Variants in PCDHGA4 observed in about 807,000 individuals in gnomAD.
PCDHGA4 encodes the protein protocadherin gamma-A4.
In PCDHGA4, 38 loss-of-function variants were observed where a neutral mutation model predicts 54.6. That is an observed-to-expected ratio of 0.70 (90% CI 0.54 to 0.91). PCDHGA4 has a LOEUF of 0.91. PCDHGA4 is among the 40% of genes least tolerant of loss of function. The pLI, the probability that PCDHGA4 is intolerant of heterozygous loss-of-function variation, is 0.00. For missense variants in PCDHGA4, 1,298 were observed against 1,220.9 expected, an observed-to-expected ratio of 1.06 and a Z score of -0.94; for synonymous variants, 511 against 512.9, an observed-to-expected ratio of 1.00 and a Z score of 0.05.
rs2097383403 is a variant in PCDHGA4 at position 141,431,483 on chromosome 5, T to C, written c.2515-63324T>C. On this transcript the variant is annotated intron_variant, in intron 1 of 3. Coordinates refer to ENST00000571252, the MANE Select transcript of PCDHGA4 (RefSeq NM_018917.4). This position sits in a 1 kb window ranked among gnomAD's most constrained non-coding sequence, Gnocchi z 4.8. ...GGATGCGAACGACAACGCACCAGCG[T>C]TTGCTCAGCCCGAGTACCGCGCGAG... 2 of 1,613,758 alleles carry C rather than the reference T, an allele frequency of 1.2e-6. No homozygotes were observed. The highest frequency in any genetic ancestry group is 2.7e-5 in the African/African-American group (2 of 74,938).
chr5:141,446,468 A>G (rs2098503159), intron 1 of PCDHGA4, among the ~76,000 whole-genome samples: 1 of 149,982 alleles, frequency 6.7e-6, no homozygotes, highest in African/African-American at 2.5e-5. Flanking sequence ...GTGATTAGAC[A>G]TATGGTCATC....
intron 1 of PCDHGA4, chr5:141,419,043 ATTC>A (rs560207463): frequency 6.2e-5 from 100 of 1,613,840 alleles, no homozygotes; most frequent in Non-Finnish European, 8.1e-5. Context: ...TTTAAGATTC[ATTC>A]TTCTTCTAAT....
chr5:141,399,112 G>A, intron 1 of PCDHGA4: 1 of 1,613,794 alleles, frequency 6.2e-7, no homozygotes, highest in African/African-American at 1.3e-5. Context: ...ACAATGTACA[G>A]TTGAAATTAA....
chr5:141,415,076 G>A (rs772523894), intron 1 of PCDHGA4: 3 of 1,613,462 alleles, frequency 1.9e-6, no homozygotes, highest in South Asian at 1.1e-5. Context: ...CGCACGGCGC[G>A]AGCCCTGCTG....
chr5:141,403,256 T>G, intron 1 of PCDHGA4: 3 of 1,613,854 alleles, frequency 1.9e-6, no homozygotes, highest in Non-Finnish European at 2.5e-6. Flanking sequence ...GAGCCCGCGG[T>G]GTCTGGTGAA....
At position 141,487,557 on chromosome 5, in the gene PCDHGA4, T is replaced by C. The variant is rs751511771; in HGVS notation, c.2515-7250T>C. On this transcript the variant is annotated intron_variant, in intron 1 of 3. Coordinates refer to ENST00000571252, the MANE Select transcript of PCDHGA4 (RefSeq NM_018917.4). The surrounding 1 kb of genome is among the most constrained non-coding windows in gnomAD (Gnocchi z 5.0). The stretch of plus-strand genomic sequence containing the variant: ...ATGGTGAAGTCACCCAGTGCACCTA[T>C]GGCAGGGGAGCCTGTTCGCCCAAGC... The C allele has an allele frequency of 1.9e-5, 31 of 1,614,060 alleles. No homozygotes were observed. In the East Asian group the frequency reaches 4.2e-4, roughly 22 times the overall value.
At chr5:141,385,097 C>G in intron 1 of PCDHGA4, 1 of 1,614,192 alleles carries the variant, frequency 6.2e-7, no homozygotes, top group Non-Finnish European at 8.5e-7. Context: ...GGTGGCTTGG[C>G]GAACGTGCCC....
rs772264177 is a variant in PCDHGA4 at position 141,376,458 on chromosome 5, T to C, written c.2514+18837T>C. On this transcript the variant is annotated intron_variant, in intron 1 of 3. Coordinates refer to ENST00000571252, the MANE Select transcript of PCDHGA4 (RefSeq NM_018917.4). Reference sequence around the variant, plus strand: ...AGCTATGAGAAAAGCGAGCCTCTTCTGATAACTCAGGATTTACTTGAAACG... The same window carrying C: ...AGCTATGAGAAAAGCGAGCCTCTTCCGATAACTCAGGATTTACTTGAAACG... 14 of 1,614,106 alleles carry C rather than the reference T, an allele frequency of 8.7e-6. No individual in the cohort carries two copies. In the African/African-American group the frequency reaches 1.5e-4, roughly 17 times the overall value.
At position 141,409,157 on chromosome 5, in the gene PCDHGA4, G is replaced by C. The variant is rs774813801; in HGVS notation, c.2514+51536G>C. 4 of 1,614,054 alleles carry C rather than the reference G, an allele frequency of 2.5e-6. No homozygotes were observed. In the South Asian group the frequency reaches 4.4e-5, roughly 18 times the overall value. ...AGATGTAGAAAGGTACACCATGGAA[G>C]TGGAAGCGAAGGACGGAGGTGGTCT... On this transcript the variant is annotated intron_variant, in intron 1 of 3. Coordinates refer to ENST00000571252, the MANE Select transcript of PCDHGA4 (RefSeq NM_018917.4).
chr5:141,388,712 G>C (rs1345089798), intron 1 of PCDHGA4: 6 of 1,613,868 alleles, frequency 3.7e-6, no homozygotes, highest in Non-Finnish European at 5.1e-6. Flanking sequence ...TCAATGCCGA[G>C]ATTACTTTCT....
chr5:141,416,791 G>A (rs1389798483), intron 1 of PCDHGA4: 2 of 152,166 alleles, frequency 1.3e-5, no homozygotes, highest in South Asian at 2.1e-4. Context: ...TCTACTAAAT[G>A]TGGTAGTATA....
At chr5:141,407,135 G>T (rs2094890312) in intron 1 of PCDHGA4, among the ~76,000 whole-genome samples, 1 of 151,812 alleles carries the variant, frequency 6.6e-6, no homozygotes, top group African/African-American at 2.4e-5. Context: ...TTATTTTTAA[G>T]AAAAAAAAGC....
intron 1 of PCDHGA4, among the ~76,000 whole-genome samples, chr5:141,362,796 T>C (rs1462578266): frequency 6.6e-6 from 1 of 152,252 alleles, no homozygotes; most frequent in Non-Finnish European, 1.5e-5. Context: ...TTCTTCCTCA[T>C]CTTTACATTA....
intron 1 of PCDHGA4, among the ~76,000 whole-genome samples, chr5:141,467,882 C>T (rs1278937609): frequency 6.6e-6 from 1 of 152,036 alleles, no homozygotes; most frequent in East Asian, 1.9e-4. Context: ...TGGTCTCAAA[C>T]TCCTGAGCTC....
At chr5:141,364,514 C>A in intron 1 of PCDHGA4, 2 of 1,614,006 alleles carry the variant, frequency 1.2e-6, no homozygotes, top group Non-Finnish European at 1.7e-6. Context: ...GCTGGCGGAG[C>A]GCGGAGTCCG....
intron 1 of PCDHGA4, chr5:141,374,117 G>T: frequency 1.9e-6 from 3 of 1,587,564 alleles, no homozygotes; most frequent in South Asian, 1.1e-5. Context: ...GCAGCGCAGC[G>T]AGCAGGTCCT....
At chr5:141,391,449 A>C (rs1432134490) in intron 1 of PCDHGA4, 2 of 152,026 alleles carry the variant, frequency 1.3e-5, no homozygotes, top group Admixed American at 1.3e-4. Context: ...ACTAGCTGGA[A>C]CTCAGGCTCA....
At chr5:141,376,143 C>T (rs968258270) in intron 1 of PCDHGA4, 3 of 1,613,858 alleles carry the variant, frequency 1.9e-6, no homozygotes, top group East Asian at 2.2e-5. Flanking sequence ...CCCAACGATT[C>T]GGACCTCACT....
intron 1 of PCDHGA4, among the ~76,000 whole-genome samples, chr5:141,462,125 A>AT (rs1561991410): frequency 6.6e-6 from 1 of 151,688 alleles, no homozygotes; most frequent in African/African-American, 2.4e-5. Context: ...ACCCAGTCCA[A>AT]TTTTTTGTAT....
Sources: allele counts gnomAD v4.1 joint callset (sites outside exome capture counted in the v4.1 genomes callset), GRCh38; gene constraint gnomAD v4.1.1; non-coding constraint Gnocchi (gnomAD v3.1); transcripts MANE v1.5; gene names NCBI Gene and HGNC (gene_info 2026-07-23, HGNC 2026-07-21).